INPP5A: variants seen among roughly 807,000 people sequenced by gnomAD.
The protein encoded by INPP5A is 43 kDa inositol polyphosphate 5-phophatase.
In INPP5A, 14 loss-of-function variants were observed where a neutral mutation model predicts 65.2. The observed-to-expected ratio is 0.21, with a 90% CI of 0.14 to 0.34. INPP5A has a LOEUF of 0.34. INPP5A is among the 10% of genes least tolerant of loss of function. The pLI, the probability that INPP5A is intolerant of heterozygous loss-of-function variation, is 1.00. For missense variants in INPP5A, 431 were observed against 545.6 expected (o/e 0.79, Z 2.09); for synonymous variants, 207 against 208.3 (o/e 0.99, Z 0.05).
At chr10:132,611,017 G>A (rs765634142) in intron 2 of INPP5A, among the ~76,000 whole-genome samples, 19 of 151,516 alleles carry the variant, frequency 1.3e-4, no homozygotes, top group South Asian at 2.1e-4. Context: ...GGGAGGTGAC[G>A]TGGGCAGAGG....
At position 132,675,392 on chromosome 10, in the gene INPP5A, G is replaced by T. The variant is rs1368800392; in HGVS notation, c.307-15000G>T. On this transcript the variant is annotated intron_variant, in intron 4 of 15. Transcript: ENST00000368594. This position sits in a 1 kb window ranked among gnomAD's most constrained non-coding sequence, Gnocchi z 4.2. ...CTAACGGATGTTCTTCAAGCGGAGA[G>T]AAAATGATCTCATATGAAGTCAGAG... Among the ~76,000 whole-genome samples the T allele has an allele frequency of 6.6e-6, 1 of 152,234 alleles. No individual in the cohort carries two copies. Among genetic ancestry groups the T allele is most frequent in the Non-Finnish European group, 1.5e-5 (1 of 68,040 alleles).
intron 1 of INPP5A, among the ~76,000 whole-genome samples, chr10:132,572,114 T>C (rs1369096710): frequency 6.6e-6 from 1 of 152,178 alleles, no homozygotes; most frequent in African/African-American, 2.4e-5. Context: ...GCACCGCAGA[T>C]AGTCTAGGAA....
At chr10:132,615,323 C>T (rs919866435) in intron 2 of INPP5A, among the ~76,000 whole-genome samples, 1 of 152,250 alleles carries the variant, frequency 6.6e-6, no homozygotes, top group Non-Finnish European at 1.5e-5. Flanking sequence ...CAGGATGCAA[C>T]TGCTGGTTTT....
chr10:132,597,086 TATGTGTGC>T (rs767495199), intron 1 of INPP5A, among the ~76,000 whole-genome samples: 2 of 151,778 alleles, frequency 1.3e-5, no homozygotes, highest in East Asian at 1.9e-4. Context: ...TGCGTGTGTG[TATGTGTGC>T]ATGTGTTTGC....
At chr10:132,713,781 T>G (rs1845692145) in intron 8 of INPP5A, among the ~76,000 whole-genome samples, 1 of 152,168 alleles carries the variant, frequency 6.6e-6, no homozygotes, top group Non-Finnish European at 1.5e-5. Flanking sequence ...TCTCTGGAGC[T>G]GGCACTGACA....
rs867317045 is a variant in INPP5A at position 132,765,851 on chromosome 10, G to A, written c.977+5G>A. On this transcript the variant is annotated splice_donor_5th_base_variant and intron_variant, in intron 12 of 15. Transcript: ENST00000368594. ...GGACATCTCGTTCCCTCCCAGGTATGGAACATGCTGTTTGCTGGATGAACC... is the reference window on the plus strand; with the variant it reads ...GGACATCTCGTTCCCTCCCAGGTATAGAACATGCTGTTTGCTGGATGAACC... The A allele has an allele frequency of 2.5e-6, 4 of 1,578,080 alleles. No homozygotes were observed. Among genetic ancestry groups the A allele is most frequent in the Non-Finnish European group, 3.5e-6 (4 of 1,147,226 alleles).
At position 132,727,094 on chromosome 10, in the gene INPP5A, G is replaced by A; in HGVS notation, c.732+189G>A. 6.7e-6 allele frequency: 3 copies of A among 450,654 alleles called. No homozygotes were observed. Among genetic ancestry groups the A allele is most frequent in the Non-Finnish European group, 1.2e-5 (3 of 252,498 alleles). The allele number at this position is 450,654 out of a possible 1,614,324, so 27.9% of individuals were successfully genotyped here. A position where few individuals can be genotyped will look rare whatever the true frequency, so the allele number is the denominator to read the frequency against. ...GCAGAGGGATCCGTGTTGGAATCCGGGGTGCGCGGGCCCTCAAGGTTGCCC... is the reference window on the plus strand; with the variant it reads ...GCAGAGGGATCCGTGTTGGAATCCGAGGTGCGCGGGCCCTCAAGGTTGCCC... On this transcript the variant is annotated intron_variant, in intron 9 of 15. Transcript: ENST00000368594. This position sits in a 1 kb window ranked among gnomAD's most constrained non-coding sequence, Gnocchi z 6.5.
intron 1 of INPP5A, among the ~76,000 whole-genome samples, chr10:132,584,062 T>C (rs1433064774): frequency 6.6e-6 from 1 of 152,234 alleles, no homozygotes; most frequent in African/African-American, 2.4e-5. Flanking sequence ...CAGCCTGGGC[T>C]ATAGAGCAAG....
intron 4 of INPP5A, among the ~76,000 whole-genome samples, chr10:132,682,188 A>G (rs572718053): frequency 2.7e-5 from 4 of 150,372 alleles, no homozygotes; most frequent in Non-Finnish European, 5.9e-5. Flanking sequence ...TGGAGATGGG[A>G]AGGTGGACAG....
intron 4 of INPP5A, among the ~76,000 whole-genome samples, chr10:132,682,847 A>G (rs917293074): frequency 1.3e-5 from 2 of 151,830 alleles, no homozygotes; most frequent in Admixed American, 6.6e-5. Flanking sequence ...GTGACCCAGT[A>G]AGGCCATCTG....
At chr10:132,728,050 C>T (rs539201265) in intron 9 of INPP5A, among the ~76,000 whole-genome samples, 2 of 152,216 alleles carry the variant, frequency 1.3e-5, no homozygotes, top group Non-Finnish European at 2.9e-5. Context: ...GAAATGAGTG[C>T]CCCTAAAACC....
intron 8 of INPP5A, among the ~76,000 whole-genome samples, chr10:132,717,824 G>A (rs1845770050): frequency 6.8e-6 from 1 of 147,882 alleles, no homozygotes; most frequent in Non-Finnish European, 1.5e-5. Flanking sequence ...GTTCTGTCTG[G>A]GCACCTTAGA....
At chr10:132,662,543 A>G (rs1226479918) in intron 4 of INPP5A, among the ~76,000 whole-genome samples, 1 of 152,246 alleles carries the variant, frequency 6.6e-6, no homozygotes, top group African/African-American at 2.4e-5. Context: ...TTAAAAATGC[A>G]AACAAGTCTG....
intron 8 of INPP5A, among the ~76,000 whole-genome samples, chr10:132,718,219 C>A (rs1845780623): frequency 7.2e-6 from 1 of 139,790 alleles, no homozygotes; most frequent in Non-Finnish European, 1.5e-5. Context: ...TTCTGTGGTA[C>A]CTGGGTTCTG....
At chr10:132,734,642 G>T (rs1046888955) in intron 9 of INPP5A, among the ~76,000 whole-genome samples, 9 of 152,242 alleles carry the variant, frequency 5.9e-5, no homozygotes, top group Non-Finnish European at 8.8e-5. Context: ...GCACCAGGAT[G>T]AGGGTACCGC....
At chr10:132,760,343 G>T (rs150338936) in intron 11 of INPP5A, among the ~76,000 whole-genome samples, 1 of 152,226 alleles carries the variant, frequency 6.6e-6, no homozygotes, top group African/African-American at 2.4e-5. Context: ...AGGGTCGGAC[G>T]CTGTGCCGCA....
intron 9 of INPP5A, among the ~76,000 whole-genome samples, chr10:132,730,040 G>A (rs903714984): frequency 8.5e-5 from 13 of 152,164 alleles, no homozygotes; most frequent in African/African-American, 2.7e-4. Flanking sequence ...GAATTGAGTC[G>A]TCACTGTTTT....
At chr10:132,688,598 C>T (rs538059568) in intron 4 of INPP5A, among the ~76,000 whole-genome samples, 14 of 152,084 alleles carry the variant, frequency 9.2e-5, no homozygotes, top group East Asian at 3.9e-4. Flanking sequence ...TGCATGAGTG[C>T]GTGTGTGCAA....
intron 1 of INPP5A, among the ~76,000 whole-genome samples, chr10:132,567,711 GC>G (rs1225815721): frequency 2.0e-5 from 3 of 152,168 alleles, no homozygotes; most frequent in Non-Finnish European, 4.4e-5. Flanking sequence ...TGCCCCTGTG[GC>G]CTGAAGTCCA....
Sources: gnomAD v4.1 joint callset for allele counts (sites outside exome capture counted in the v4.1 genomes callset) on GRCh38, gnomAD v4.1.1 for gene constraint, Gnocchi (gnomAD v3.1) non-coding constraint, MANE v1.5 for transcripts, NCBI Gene and HGNC (gene_info 2026-07-23, HGNC 2026-07-21) for gene names.